The following ADAMTS16 variants were observed in gnomAD, a reference collection of about 807,000 sequenced individuals.
The protein encoded by ADAMTS16 is ADAM metallopeptidase with thrombospondin type 1 motif 16.
In ADAMTS16, 94 loss-of-function variants were observed where a neutral mutation model predicts 145.8. The observed-to-expected ratio is 0.64, with a 90% CI of 0.55 to 0.77. ADAMTS16 has a LOEUF of 0.77. ADAMTS16 is among the 30% of genes least tolerant of loss of function. ADAMTS16 has a pLI of 0.00. For synonymous variants in ADAMTS16, 659 were observed against 604.3 expected, an observed-to-expected ratio of 1.09 and a Z score of -1.33; for missense variants, 1,585 against 1,591.5, an observed-to-expected ratio of 1.00 and a Z score of 0.07.
At chr5:5,234,806 G>T (rs1021897097) in intron 12 of ADAMTS16, among the ~76,000 whole-genome samples, 1 of 143,450 alleles carries the variant, frequency 7.0e-6, no homozygotes, top group African/African-American at 2.6e-5. Context: ...GGAGACAGCG[G>T]TTGCAGCGAG....
At chr5:5,298,283 C>T (rs189161540) in intron 18 of ADAMTS16, among the ~76,000 whole-genome samples, 6 of 152,340 alleles carry the variant, frequency 3.9e-5, no homozygotes, top group Admixed American at 3.9e-4. Flanking sequence ...CAGCAGGCAT[C>T]GTGTGTGGGC....
intron 10 of ADAMTS16, among the ~76,000 whole-genome samples, chr5:5,218,365 C>G (rs1736494552): frequency 6.6e-6 from 1 of 152,196 alleles, no homozygotes; most frequent in Non-Finnish European, 1.5e-5. Context: ...CTCGCTCCTT[C>G]TGTCACCCCT....
At chr5:5,208,996 G>C in intron 9 of ADAMTS16, 97 bp from the exon 10 acceptor site, 1 of 1,372,040 alleles carries the variant, frequency 7.3e-7, no homozygotes, top group Non-Finnish European at 1.0e-6. Context: ...CACAATATAT[G>C]TTGTAAAATT....
At chr5:5,167,126 C>T (rs1734906209) in intron 3 of ADAMTS16, among the ~76,000 whole-genome samples, 2 of 152,220 alleles carry the variant, frequency 1.3e-5, no homozygotes, top group African/African-American at 2.4e-5. Flanking sequence ...TTATGCTTCA[C>T]ATTTTATGAT....
At chr5:5,291,313 G>A (rs62338254) in intron 18 of ADAMTS16, among the ~76,000 whole-genome samples, 43,607 of 151,906 alleles carry the variant, frequency 0.29, 7,552 homozygotes, top group East Asian at 0.55. Context: ...CTTGTACACA[G>A]GCTGAGGGAC....
intron 18 of ADAMTS16, among the ~76,000 whole-genome samples, chr5:5,291,855 C>T (rs1012680473): frequency 1.3e-5 from 2 of 152,046 alleles, no homozygotes; most frequent in African/African-American, 4.8e-5. Flanking sequence ...TATGGTGAGC[C>T]CAAAAGGAAA....
chr5:5,145,947 C>A (rs1734280202), intron 2 of ADAMTS16, among the ~76,000 whole-genome samples, 183 bp from the exon 3 acceptor site: 1 of 152,072 alleles, frequency 6.6e-6, no homozygotes, highest in Non-Finnish European at 1.5e-5. Context: ...CAATTTTTTT[C>A]TTTAAACTGT....
intron 18 of ADAMTS16, among the ~76,000 whole-genome samples, chr5:5,291,753 T>C (rs1739330265): frequency 6.7e-6 from 1 of 148,626 alleles, no homozygotes; most frequent in Admixed American, 7.0e-5. Flanking sequence ...CACAAAGAAC[T>C]TTGATTTGTG....
intron 2 of ADAMTS16, among the ~76,000 whole-genome samples, chr5:5,142,690 A>C (rs1579267011): frequency 6.6e-6 from 1 of 152,188 alleles, no homozygotes; most frequent in Admixed American, 6.5e-5. Flanking sequence ...TTTTGTTTAA[A>C]GTAGCGCATG....
rs553478235 is a variant in ADAMTS16, at chr5:5,273,031, A to G, written c.2789+10248A>G. Among the ~76,000 whole-genome samples the G allele has an allele frequency of 1.4e-3, 209 of 152,278 alleles. 3 individuals carry two copies. The highest frequency in any genetic ancestry group is 4.8e-3 in the African/African-American group (199 of 41,558). On this transcript the variant is annotated intron_variant, in intron 18 of 22. Transcript: ENST00000274181. Reference sequence around the variant, plus strand: ...CAGAGTCATTAGAGCTTTGTTCTGTAGATCCCAAGGTTTGCCCTCTCTGCT... The same window carrying G: ...CAGAGTCATTAGAGCTTTGTTCTGTGGATCCCAAGGTTTGCCCTCTCTGCT...
intron 17 of ADAMTS16, among the ~76,000 whole-genome samples, chr5:5,247,857 C>T (rs528914946): frequency 1.3e-5 from 2 of 152,358 alleles, no homozygotes; most frequent in Admixed American, 6.5e-5. Flanking sequence ...GGTGCCTCAG[C>T]CTCCAAGCTC....
intron 17 of ADAMTS16, among the ~76,000 whole-genome samples, chr5:5,243,187 A>G (rs1737347939): frequency 6.6e-6 from 1 of 152,260 alleles, no homozygotes; most frequent in South Asian, 2.1e-4. Flanking sequence ...AGTTAACACT[A>G]TGTGCTTGAC....
At position 5,303,651 on chromosome 5, in the gene ADAMTS16, T is replaced by G. The variant is rs199767160; in HGVS notation, c.3071T>G (p.Leu1024Arg). ...ACCAACCCCTCGGCCAGAGCGCAGC[T>G]GCTGCCCGACGCTGTCTGCACCTCC... ...KSTNPSARAQ[L>R]LPDAVCTSEP... is the part of the protein sequence containing the mutation. The change falls in exon 20 of 23, where the codon CTG becomes CGG. Residue 1024 changes from leucine (L) to arginine (R), a missense_variant. Leu to Arg is a moderately radical substitution (Grantham distance 102). Around this residue, in one of 3 missense-constraint regions of ADAMTS16, gnomAD observed 834 missense variants for 811.7 expected, o/e 1.03. Transcript: ENST00000274181. 21 of 1,614,022 alleles carry G rather than the reference T, an allele frequency of 1.3e-5. No homozygotes were observed. The highest frequency in any genetic ancestry group is 1.7e-4 in the Middle Eastern group (1 of 6,008).
intron 15 of ADAMTS16, 71 bp from the exon 16 acceptor site, chr5:5,239,610 G>A (rs1737219286): frequency 6.3e-7 from 1 of 1,583,978 alleles, no homozygotes; most frequent in Non-Finnish European, 8.6e-7. Flanking sequence ...ACCGAGGACT[G>A]GGGTTGCTTA....
intron 20 of ADAMTS16, among the ~76,000 whole-genome samples, chr5:5,304,155 A>T (rs1417507940): frequency 6.6e-6 from 1 of 152,222 alleles, no homozygotes; most frequent in Non-Finnish European, 1.5e-5. Context: ...GAGCAGGAAG[A>T]ACATGCGTTG....
intron 11 of ADAMTS16, among the ~76,000 whole-genome samples, chr5:5,231,786 G>A (rs146686133): frequency 1.6e-3 from 237 of 152,312 alleles, no homozygotes; most frequent in Non-Finnish European, 2.2e-3. Flanking sequence ...TCCAGCCTTC[G>A]TGGGGACAGA....
chr5:5,169,404 C>T (rs752094380), intron 3 of ADAMTS16, among the ~76,000 whole-genome samples: 10 of 152,196 alleles, frequency 6.6e-5, no homozygotes, highest in Non-Finnish European at 1.2e-4. Flanking sequence ...TTCGTCATTG[C>T]CCAGCACACT....
At chr5:5,204,608 T>G (rs1051621717) in intron 9 of ADAMTS16, among the ~76,000 whole-genome samples, 4 of 152,236 alleles carry the variant, frequency 2.6e-5, no homozygotes, top group African/African-American at 9.6e-5. Flanking sequence ...AAATATAGCA[T>G]TAGTCTACTT....
At chr5:5,229,276 G>T (rs1191753116) in intron 11 of ADAMTS16, among the ~76,000 whole-genome samples, 1 of 136,064 alleles carries the variant, frequency 7.3e-6, no homozygotes, top group Non-Finnish European at 1.5e-5. Context: ...CCGCAGTCCG[G>T]CCTGGGCGAC....
Sources: gnomAD v4.1 joint callset for allele counts (sites outside exome capture counted in the v4.1 genomes callset) on GRCh38, gnomAD v4.1.1 for gene constraint, gnomAD v4.1.1 regional missense constraint, MANE v1.5 for transcripts, NCBI Gene and HGNC (gene_info 2026-07-23, HGNC 2026-07-21) for gene names.